Variants in U2SURP observed in about 807,000 individuals in gnomAD.
The protein encoded by U2SURP is U2 snRNP associated SURP domain containing, also known as U2 snRNP-associated SURP motif-containing protein.
Under a neutral mutation model 144.9 loss-of-function variants are expected in U2SURP, and 9 were observed. The ratio of observed to expected loss-of-function variants is 0.06; its 90% confidence interval spans 0.04 to 0.11. The LOEUF is 0.11. Ranked by LOEUF, U2SURP falls within the 10% of genes least tolerant of loss-of-function variation. U2SURP has a pLI of 1.00. For missense variants in U2SURP, 724 were observed against 1,226.7 expected, an observed-to-expected ratio of 0.59 and a Z score of 6.12; for synonymous variants, 408 against 396.8, an observed-to-expected ratio of 1.03 and a Z score of -0.33.
chr3:143,032,647 A>C, intron 16 of U2SURP, 137 bp from the exon 17 acceptor site: 1 of 689,438 alleles, frequency 1.5e-6, no homozygotes. Context: ...ACACAACACA[A>C]ATCAGACTGA....
At chr3:143,023,518 A>G (rs977765442) in intron 12 of U2SURP, 17 of 166,680 alleles carry the variant, frequency 1.0e-4, no homozygotes, top group Non-Finnish European at 2.2e-4. Context: ...GCAAAGGGTG[A>G]GTATTTTCTT....
chr3:143,022,850 T>C lies in U2SURP; in HGVS notation c.1019-3T>C, dbSNP rs1278990197. ...AAAATGACCTTTCATTTCTTTCTTG[T>C]AGGAAAAATGATTATGTCTTTTGAA... On this transcript the variant is annotated splice_region_variant and splice_polypyrimidine_tract_variant and intron_variant, in intron 11 of 27. Coordinates refer to ENST00000473835, the MANE Select transcript of U2SURP (RefSeq NM_001080415.2). 1 of 1,552,654 alleles carries C rather than the reference T, an allele frequency of 6.4e-7. No individual in the cohort carries two copies. Among genetic ancestry groups the C allele is most frequent in the Non-Finnish European group, 8.7e-7 (1 of 1,152,672 alleles).
At chr3:143,046,100 T>A (rs937220882) in intron 24 of U2SURP, among the ~76,000 whole-genome samples, 3 of 151,984 alleles carry the variant, frequency 2.0e-5, no homozygotes, top group Non-Finnish European at 2.9e-5. Flanking sequence ...ATATATACTG[T>A]AATTTTGCAT....
chr3:143,031,495 G>A (rs1463973200), intron 16 of U2SURP, among the ~76,000 whole-genome samples: 1 of 82,122 alleles, frequency 1.2e-5, no homozygotes, highest in African/African-American at 5.5e-5. Context: ...TCAACATTGA[G>A]GCAAAACCTT....
intron 17 of U2SURP, 73 bp from the exon 18 acceptor site, chr3:143,033,198 G>A (rs1219747283): frequency 1.3e-5 from 12 of 957,168 alleles, no homozygotes; most frequent in East Asian, 5.3e-5. Flanking sequence ...CTTCTAATTA[G>A]TAGCCATAAT....
intron 6 of U2SURP, among the ~76,000 whole-genome samples, chr3:143,019,154 C>A (rs1181131403): frequency 6.6e-6 from 1 of 152,000 alleles, no homozygotes; most frequent in Non-Finnish European, 1.5e-5. Flanking sequence ...GTTGTTGAAT[C>A]GTAAGAGTAT....
At chr3:143,016,110 C>T (rs1340772926) in intron 4 of U2SURP, 147 bp from the exon 5 acceptor site, 2 of 562,378 alleles carry the variant, frequency 3.6e-6, no homozygotes, top group African/African-American at 3.8e-5. Context: ...TACTTAATAT[C>T]TTCTAAAGAT....
chr3:143,055,482 A>T (rs1254073584), intron 27 of U2SURP, among the ~76,000 whole-genome samples: 1 of 152,182 alleles, frequency 6.6e-6, no homozygotes, highest in African/African-American at 2.4e-5. Flanking sequence ...TAGCAATATT[A>T]TTAGCAAGTT....
chr3:143,037,030 C>A, intron 20 of U2SURP, 149 bp from the exon 21 acceptor site: 2 of 738,502 alleles, frequency 2.7e-6, no homozygotes, highest in Non-Finnish European at 2.1e-6. Flanking sequence ...GCTTCTTTAG[C>A]AAACTGGATG....
rs369925488 is a variant in U2SURP at position 143,023,990 on chromosome 3, A to G, written c.1246A>G (p.Ile416Val). ...TCATATACAGACTCTGTCGCAAGCC[A>G]TAGTCAAAGTGGTTATCCCAACAGA... Reference protein sequence around the residue: ...EDFEKTLSQAIVKVVIPTERN... With the variant: ...EDFEKTLSQAVVKVVIPTERN... Residue 416 changes from isoleucine to valine, a missense_variant, in exon 13 of 28, where the codon ATA (isoleucine) becomes GTA (valine). Physicochemically the swap from Ile to Val is conservative, Grantham distance 29. This residue lies in a region of U2SURP where 64 missense variants were observed against 164.1 expected (regional missense o/e 0.39). Transcript: ENST00000473835. The G allele has an allele frequency of 3.7e-6, 6 of 1,613,182 alleles. No homozygotes were observed. Among genetic ancestry groups the G allele is most frequent in the Non-Finnish European group, 5.1e-6 (6 of 1,179,334 alleles).
chr3:143,053,055 C>T (rs116484576), intron 25 of U2SURP, among the ~76,000 whole-genome samples: 1,914 of 147,984 alleles, frequency 0.013, 11 homozygotes, highest in African/African-American at 0.016. Context: ...AATAAAACTT[C>T]GATGGAAGAT....
intron 24 of U2SURP, among the ~76,000 whole-genome samples, chr3:143,047,657 G>T (rs1439407247): frequency 1.0e-4 from 5 of 47,930 alleles, no homozygotes; most frequent in East Asian, 1.6e-3. Flanking sequence ...GGACGGGGCG[G>T]CTGGCCGGGC....
At chr3:143,003,677 C>CTTTT (rs60505715) in intron 1 of U2SURP, among the ~76,000 whole-genome samples, 1,622 of 101,426 alleles carry the variant, frequency 0.016, 11 homozygotes, top group Non-Finnish European at 0.02. Context: ...TATTTTATTT[C>CTTTT]TTTTTTTTTT....
chr3:143,036,655 G>T (rs535562923), intron 20 of U2SURP, among the ~76,000 whole-genome samples: 196 of 152,206 alleles, frequency 1.3e-3, no homozygotes, highest in Non-Finnish European at 2.3e-3. Flanking sequence ...TTTCTTAAAT[G>T]TGTGTTTCCA....
Position 143,055,010 on chromosome 3 carries a change from T to A in U2SURP, c.2842T>A (p.Ser948Thr), listed in dbSNP as rs1252110244. The A allele has an allele frequency of 1.2e-6, 2 of 1,609,140 alleles. No individual in the cohort carries two copies. ...SSSGRRVKSP[S>T]PKSERSERSE... ...CAGTGGTAGACGAGTGAAATCCCCA[T>A]CACCAAAATCGGAGCGATCAGAGCG... The change falls in exon 27 of 28, where the codon TCA (serine) becomes ACA (threonine). Residue 948 changes from serine (S) to threonine (T), a missense_variant. This residue lies in a region of U2SURP where 129 missense variants were observed against 196.1 expected (regional missense o/e 0.66). Transcript: ENST00000473835.
chr3:143,014,498 T>C, intron 4 of U2SURP, 89 bp downstream of exon 4: 1 of 828,830 alleles, frequency 1.2e-6, no homozygotes, highest in Non-Finnish European at 1.8e-6. Context: ...TTCCCGAAGA[T>C]TCTTAACCTC....
At chr3:143,034,758 T>A in intron 18 of U2SURP, 130 bp from the exon 19 acceptor site, 1 of 616,684 alleles carries the variant, frequency 1.6e-6, no homozygotes, top group South Asian at 2.1e-5. Context: ...AAACACCTAG[T>A]TTTTGATTTT....
At chr3:143,033,009 T>G in intron 17 of U2SURP, 63 bp downstream of exon 17, 1 of 1,549,604 alleles carries the variant, frequency 6.5e-7, no homozygotes, top group East Asian at 2.3e-5. Context: ...AGAATTGGTT[T>G]CCTTTTTGCA....
At chr3:143,001,846 C>T (rs890096431) in intron 1 of U2SURP, among the ~76,000 whole-genome samples, 173 bp downstream of exon 1, 2 of 152,254 alleles carry the variant, frequency 1.3e-5, no homozygotes, top group African/African-American at 4.8e-5. Flanking sequence ...GGTATCTCCC[C>T]ATAGTCCCAG....
Sources: allele counts gnomAD v4.1 joint callset (sites outside exome capture counted in the v4.1 genomes callset), GRCh38; gene constraint gnomAD v4.1.1; regional missense constraint gnomAD v4.1.1; transcripts MANE v1.5; gene names NCBI Gene and HGNC (gene_info 2026-07-23, HGNC 2026-07-21).